The following PTPRN2 variants were observed in gnomAD, a reference collection of about 807,000 sequenced individuals.
PTPRN2 encodes receptor-type tyrosine-protein phosphatase N2.
Under a neutral mutation model 118.8 loss-of-function variants are expected in PTPRN2, and 74 were observed. The observed-to-expected ratio is 0.62, with a 90% CI of 0.52 to 0.76. The LOEUF is 0.76. Among genes scored for constraint, PTPRN2 ranks in the 30% least tolerant of loss-of-function variants. The pLI, the probability that PTPRN2 is intolerant of heterozygous loss-of-function variation, is 0.00. For missense variants in PTPRN2, 1,481 were observed against 1,394.4 expected (o/e 1.06, Z -0.99); for synonymous variants, 641 against 608.0 (o/e 1.05, Z -0.80).
chr7:157,856,561 G>C (rs939786853), intron 12 of PTPRN2, among the ~76,000 whole-genome samples: 8 of 152,216 alleles, frequency 5.3e-5, no homozygotes, highest in Non-Finnish European at 1.0e-4. Context: ...AGTTCTACTG[G>C]TTTCTCCTGG....
At chr7:157,943,285 G>A (rs1359567293) in intron 11 of PTPRN2, among the ~76,000 whole-genome samples, 2 of 152,148 alleles carry the variant, frequency 1.3e-5, no homozygotes, top group Non-Finnish European at 2.9e-5. Flanking sequence ...CTAGGAAAAT[G>A]TCTTACTCTG....
intron 3 of PTPRN2, among the ~76,000 whole-genome samples, chr7:158,258,281 G>A (rs1031871778): frequency 6.6e-6 from 1 of 152,164 alleles, no homozygotes; most frequent in Non-Finnish European, 1.5e-5. Context: ...AGCCGCTGAC[G>A]CCTCCCCCGG....
chr7:158,199,738 C>T (rs1374753573), intron 4 of PTPRN2, among the ~76,000 whole-genome samples: 1 of 152,172 alleles, frequency 6.6e-6, no homozygotes, highest in Non-Finnish European at 1.5e-5. Flanking sequence ...GGGCAGATCA[C>T]GCATTCTGTC....
chr7:157,698,723 T>C (rs192322667), intron 12 of PTPRN2, among the ~76,000 whole-genome samples: 5 of 152,254 alleles, frequency 3.3e-5, no homozygotes, highest in African/African-American at 1.2e-4. Flanking sequence ...TAGATTCTAG[T>C]ATAGAGGATC....
At chr7:157,594,504 C>T (rs889095521) in intron 17 of PTPRN2, among the ~76,000 whole-genome samples, 8 of 152,190 alleles carry the variant, frequency 5.3e-5, no homozygotes, top group Non-Finnish European at 8.8e-5. Flanking sequence ...GCATGGGTGA[C>T]GCGTCGCTTC....
chr7:158,541,308 T>A (rs937369714), intron 1 of PTPRN2: 7 of 571,138 alleles, frequency 1.2e-5, no homozygotes, highest in Non-Finnish European at 1.6e-5. Flanking sequence ...AACTCTGGGC[T>A]GTGGTGGCAT....
chr7:158,125,514 G>A (rs554789992), intron 9 of PTPRN2, among the ~76,000 whole-genome samples: 9 of 152,130 alleles, frequency 5.9e-5, no homozygotes, highest in East Asian at 5.8e-4. Context: ...ACTCCTTCTC[G>A]CCTTCTTCTC....
intron 12 of PTPRN2, among the ~76,000 whole-genome samples, chr7:157,811,332 T>TTATATATATA (rs71189737): frequency 0.016 from 2,077 of 131,146 alleles, 16 homozygotes; most frequent in Non-Finnish European, 0.022. Context: ...ATCTACTCTA[T>TTATATATATA]TATATATATA....
rs1435743264 is a variant in PTPRN2 at position 158,441,283 on chromosome 7, T to C, written c.163+48452A>G. ...GTGATGGTGATAGTGATGGTGATGGTGGTGGTGGTGATGGTGATAGTAATG... is the reference window on the plus strand; with the variant it reads ...GTGATGGTGATAGTGATGGTGATGGCGGTGGTGGTGATGGTGATAGTAATG... On this transcript the variant is annotated intron_variant, in intron 2 of 22. Transcript: ENST00000389418. Among the ~76,000 whole-genome samples, 76 of 92,130 alleles carry C rather than the reference T, an allele frequency of 8.2e-4. 3 individuals carry two copies. Among genetic ancestry groups the C allele is most frequent in the African/African-American group, 2.5e-3 (73 of 29,260 alleles). 60.4% of individuals were successfully genotyped at this position (92,130 alleles called of 152,430 possible).
intron 10 of PTPRN2, among the ~76,000 whole-genome samples, chr7:158,089,770 A>T: frequency 1.5e-5 from 1 of 68,026 alleles, no homozygotes; most frequent in East Asian, 6.4e-4. Context: ...CCTGATGAAA[A>T]GGGGAATGTT....
chr7:157,980,315 T>C (rs536549097), intron 11 of PTPRN2, among the ~76,000 whole-genome samples: 1 of 152,240 alleles, frequency 6.6e-6, no homozygotes, highest in Non-Finnish European at 1.5e-5. Flanking sequence ...TCTCTTTTTA[T>C]GTCAACTTAC....
At position 157,894,311 on chromosome 7, in the gene PTPRN2, G is replaced by A. The variant is rs190876149; in HGVS notation, c.1788+4362C>T. Among the ~76,000 whole-genome samples the A allele has an allele frequency of 2.1e-3, 318 of 152,304 alleles. 1 individual carries two copies. The highest frequency in any genetic ancestry group is 3.4e-3 in the Non-Finnish European group (231 of 68,036). The stretch of plus-strand genomic sequence containing the variant: ...CTGCTGAAGTGGCTCCTGGACGTTT[G>A]GCATCTTTCTGTGGATCCAAGTGTG... On this transcript the variant is annotated intron_variant, in intron 12 of 22. Coordinates refer to ENST00000389418, the MANE Select transcript of PTPRN2 (RefSeq NM_002847.5).
At chr7:157,558,806 G>T (rs1799032088) in intron 21 of PTPRN2, among the ~76,000 whole-genome samples, 5 of 152,214 alleles carry the variant, frequency 3.3e-5, no homozygotes, top group Admixed American at 3.3e-4. Context: ...GCCGGCAGCT[G>T]CCTCGGTCCC....
chr7:158,185,811 G>A (rs1375129433), intron 5 of PTPRN2, among the ~76,000 whole-genome samples: 1 of 152,172 alleles, frequency 6.6e-6, no homozygotes. Context: ...CTGAACCATG[G>A]GGGAGCTCTC....
chr7:158,351,620 G>A (rs1358189954), intron 2 of PTPRN2, among the ~76,000 whole-genome samples: 1 of 152,094 alleles, frequency 6.6e-6, no homozygotes, highest in Admixed American at 6.5e-5. Context: ...CCTTATTAAC[G>A]CCTCATCCTT....
At chr7:157,873,706 C>T (rs533062204) in intron 12 of PTPRN2, among the ~76,000 whole-genome samples, 4 of 151,670 alleles carry the variant, frequency 2.6e-5, no homozygotes, top group South Asian at 2.1e-4. Context: ...GGGAGGAGAA[C>T]GTACTGTCCT....
At chr7:158,327,587 C>T (rs1803754393) in intron 2 of PTPRN2, among the ~76,000 whole-genome samples, 1 of 152,212 alleles carries the variant, frequency 6.6e-6, no homozygotes, top group African/African-American at 2.4e-5. Flanking sequence ...TTCTCATGTA[C>T]ACACTCACTA....
At chr7:158,242,523 G>C (rs1795960937) in intron 3 of PTPRN2, among the ~76,000 whole-genome samples, 1 of 152,172 alleles carries the variant, frequency 6.6e-6, no homozygotes, top group South Asian at 2.1e-4. Context: ...GTCTGGCTTT[G>C]GCATCAGGGT....
chr7:157,695,765 T>C (rs1797736548), intron 12 of PTPRN2, among the ~76,000 whole-genome samples: 1 of 152,232 alleles, frequency 6.6e-6, no homozygotes, highest in Non-Finnish European at 1.5e-5. Context: ...AAGTCCTTAT[T>C]CATCATAAAA....
Sources: allele counts gnomAD v4.1 joint callset (sites outside exome capture counted in the v4.1 genomes callset), GRCh38; gene constraint gnomAD v4.1.1; transcripts MANE v1.5; gene names NCBI Gene and HGNC (gene_info 2026-07-23, HGNC 2026-07-21).